COL5A2: variants seen among roughly 807,000 people sequenced by gnomAD.
COL5A2 encodes collagen type V alpha 2 chain.
COL5A2 carries 23 observed loss-of-function variants against 208.2 expected under a neutral mutation model. The observed-to-expected ratio is 0.11, with a 90% CI of 0.08 to 0.16. The LOEUF is 0.16. Among genes scored for constraint, COL5A2 ranks in the 10% least tolerant of loss-of-function variants. COL5A2 has a pLI of 1.00. For synonymous variants in COL5A2, 625 were observed against 628.5 expected, an observed-to-expected ratio of 0.99 and a Z score of 0.08; for missense variants, 1,590 against 1,956.4, an observed-to-expected ratio of 0.81 and a Z score of 3.53.
At chr2:189,203,851 A>G (rs988773285) in intron 1 of COL5A2, among the ~76,000 whole-genome samples, 13 of 152,158 alleles carry the variant, frequency 8.5e-5, no homozygotes, top group African/African-American at 3.1e-4. Flanking sequence ...TGGAGAACTT[A>G]GTCTGTAACT....
the COL5A2 span, among the ~76,000 whole-genome samples, chr2:189,371,815 CTA>C: frequency 6.6e-6 from 1 of 152,064 alleles, no homozygotes; most frequent in Non-Finnish European, 1.5e-5. Flanking sequence ...TGTAGCCTGG[CTA>C]TGTGGCAGAA....
intron 1 of COL5A2, among the ~76,000 whole-genome samples, chr2:189,142,914 T>A (rs1687961280): frequency 6.6e-6 from 1 of 152,284 alleles, no homozygotes; most frequent in Admixed American, 6.5e-5. Context: ...GACTATTCTC[T>A]GGGCTATTCA....
the COL5A2 span, among the ~76,000 whole-genome samples, chr2:189,286,171 T>G: frequency 6.6e-6 from 1 of 152,198 alleles, no homozygotes; most frequent in Admixed American, 6.5e-5. Flanking sequence ...GGCATCACAT[T>G]TAAGAAATTA....
the COL5A2 span, among the ~76,000 whole-genome samples, chr2:189,393,445 C>A: frequency 1.3e-5 from 2 of 152,214 alleles, no homozygotes; most frequent in African/African-American, 4.8e-5. Context: ...TAAATATGGA[C>A]TAGTACTACA....
chr2:189,054,748 G>C (rs1484971245), intron 35 of COL5A2, among the ~76,000 whole-genome samples: 2 of 142,202 alleles, frequency 1.4e-5, no homozygotes, highest in African/African-American at 5.3e-5. Context: ...CCAGAATGGA[G>C]TGCAGTAGCC....
At chr2:189,311,793 C>G in the COL5A2 span, 2 of 912,222 alleles carry the variant, frequency 2.2e-6, no homozygotes, top group Non-Finnish European at 3.6e-6. Context: ...CACATTGGAC[C>G]TGGATGTCTG....
At chr2:189,418,671 A>C in the COL5A2 span, among the ~76,000 whole-genome samples, 1 of 152,144 alleles carries the variant, frequency 6.6e-6, no homozygotes, top group Non-Finnish European at 1.5e-5. Context: ...ATTCTCAGAG[A>C]AGTCTTTGTA....
the COL5A2 span, among the ~76,000 whole-genome samples, chr2:189,372,599 T>C: frequency 1.3e-5 from 2 of 152,296 alleles, no homozygotes; most frequent in South Asian, 2.1e-4. Flanking sequence ...TTTTAAAATA[T>C]GTAAAAAGCT....
At chr2:189,344,474 G>A in the COL5A2 span, among the ~76,000 whole-genome samples, 42 of 151,984 alleles carry the variant, frequency 2.8e-4, no homozygotes, top group East Asian at 7.7e-4. Context: ...ATGCCAAACC[G>A]CTCCAGACAC....
intron 1 of COL5A2, 98 bp from the exon 2 acceptor site, chr2:189,110,547 T>A: frequency 1.8e-6 from 2 of 1,098,188 alleles, no homozygotes; most frequent in Non-Finnish European, 2.7e-6. Flanking sequence ...AATTCTGGAC[T>A]AAGAAGTAAC....
the COL5A2 span, among the ~76,000 whole-genome samples, chr2:189,273,384 C>G: frequency 6.6e-6 from 1 of 151,774 alleles, no homozygotes; most frequent in Non-Finnish European, 1.5e-5. Flanking sequence ...GAAAAGGGAG[C>G]CCTGGTACAC....
the COL5A2 span, chr2:189,311,892 G>C: frequency 1.0e-6 from 1 of 988,666 alleles, no homozygotes; most frequent in Non-Finnish European, 1.6e-6. Flanking sequence ...TCCTCTTTGT[G>C]GTTCTTCTTT....
At chr2:189,098,480 T>C (rs1164371209) in intron 5 of COL5A2, among the ~76,000 whole-genome samples, 1 of 152,256 alleles carries the variant, frequency 6.6e-6, no homozygotes, top group Admixed American at 6.5e-5. Flanking sequence ...TAAAGTGTTT[T>C]GTCTTTTACA....
chr2:189,127,416 T>A (rs57525746), intron 1 of COL5A2, among the ~76,000 whole-genome samples: 4,438 of 152,084 alleles, frequency 0.029, 76 homozygotes, highest in Admixed American at 0.045. Flanking sequence ...CTTTCAGATG[T>A]ATTTTGGCTC....
intron 1 of COL5A2, among the ~76,000 whole-genome samples, chr2:189,188,227 T>G (rs1688879652): frequency 6.6e-6 from 1 of 152,140 alleles, no homozygotes; most frequent in South Asian, 2.1e-4. Flanking sequence ...ACTGCAAAAA[T>G]TTCCACCATT....
intron 1 of COL5A2, among the ~76,000 whole-genome samples, chr2:189,122,515 A>G (rs1687525412): frequency 6.6e-6 from 1 of 152,174 alleles, no homozygotes; most frequent in South Asian, 2.1e-4. Flanking sequence ...TTCCACTAGG[A>G]AAGTTTTAAC....
chr2:189,097,305 C>T lies in COL5A2; in HGVS notation c.428G>A (p.Arg143Lys). 6.2e-7 allele frequency: 1 copy of T among 1,614,120 alleles called. No individual in the cohort carries two copies. The change falls in exon 6 of 54, where the codon AGA becomes AAA. Residue 143 changes from arginine (R) to lysine (K), a missense_variant. By Grantham distance (26) the Arg-to-Lys change is conservative. Transcript: ENST00000374866. ...PAGPPGSQGPRGERGPKGRPG... is the reference protein window; with the variant it reads ...PAGPPGSQGPKGERGPKGRPG... ...TCTTCCTTTTGGCCCTCGCTCTCCT[C>T]TTGGTCCCTGTGATCCTGGAGGTCC...
chr2:189,136,791 G>A (rs918536342), intron 1 of COL5A2, among the ~76,000 whole-genome samples: 3 of 151,912 alleles, frequency 2.0e-5, no homozygotes, highest in East Asian at 3.9e-4. Context: ...TAATCACACT[G>A]CTTTTTTCCA....
intron 1 of COL5A2, among the ~76,000 whole-genome samples, chr2:189,224,621 G>A (rs568502010): frequency 5.3e-5 from 8 of 152,072 alleles, no homozygotes; most frequent in African/African-American, 1.7e-4. Flanking sequence ...CACAAAAGGC[G>A]GAGGTTGAAG....
Sources: allele counts gnomAD v4.1 joint callset (sites outside exome capture counted in the v4.1 genomes callset), GRCh38; gene constraint gnomAD v4.1.1; transcripts MANE v1.5; gene names NCBI Gene and HGNC (gene_info 2026-07-23, HGNC 2026-07-21).